The following ASB18 variants were observed in gnomAD, a reference collection of about 807,000 sequenced individuals.
The protein encoded by ASB18 is ankyrin repeat and SOCS box protein 18.
ASB18 carries 33 observed loss-of-function variants against 33.4 expected under a neutral mutation model. That is an observed-to-expected ratio of 0.99 (90% CI 0.75 to 1.32). The LOEUF is 1.32. Among genes scored for constraint, ASB18 ranks in the 40% most tolerant of loss-of-function variants. The probability of loss-of-function intolerance (pLI) is 0.00; values close to 1 mark genes in which losing one functional copy is unlikely to be tolerated. For missense variants in ASB18, 694 were observed against 655.5 expected, an observed-to-expected ratio of 1.06 and a Z score of -0.64; for synonymous variants, 295 against 307.6, an observed-to-expected ratio of 0.96 and a Z score of 0.43.
Position 236,228,562 on chromosome 2 carries a change from A to T in ASB18, c.596+9127T>A, listed in dbSNP as rs2060551203. Among the ~76,000 whole-genome samples, 1 of 152,206 alleles carries T rather than the reference A, an allele frequency of 6.6e-6. No homozygotes were observed. On this transcript the variant is annotated intron_variant, in intron 3 of 5. Coordinates refer to ENST00000409749, the MANE Select transcript of ASB18 (RefSeq NM_212556.4). The surrounding 1 kb of genome is among the most constrained non-coding windows in gnomAD (Gnocchi z 5.1). ...GAAAGGAAGGATTAGAACCGACTGA[A>T]ATATGTCAAATATTTTGTGTGCATA...
rs988697939 is a variant in ASB18 at position 236,221,670 on chromosome 2, G to C, written c.597-6804C>G. 6.6e-6 allele frequency among the ~76,000 whole-genome samples: 1 copy of C among 152,108 alleles called. No individual in the cohort carries two copies. The highest frequency in any genetic ancestry group is 1.5e-5 in the Non-Finnish European group (1 of 68,020). ...TCTCAGGTATGTCTTTATCAGAAGC[G>C]TGAAAACGGACTAATACAGCATCTG... is the stretch of plus-strand genomic sequence containing the variant. On this transcript the variant is annotated intron_variant, in intron 3 of 5. Transcript: ENST00000409749. The surrounding 1 kb of genome is among the most constrained non-coding windows in gnomAD (Gnocchi z 5.6).
In ASB18 at chr2:236,200,051, A is replaced by AAAAG. The variant is rs1182956550; in HGVS notation, c.1102-3670_1102-3667dup. Among the ~76,000 whole-genome samples, 1 of 152,244 alleles carries AAAAG rather than the reference A, an allele frequency of 6.6e-6. No individual in the cohort carries two copies. The highest frequency in any genetic ancestry group is 1.5e-5 in the Non-Finnish European group (1 of 68,056). ...ATAGATAACAGTCAAGGTCCATTAG[A>AAAAG]AAAGAGATGGAGAAGCCAGGCACGG... On this transcript the variant is annotated intron_variant, in intron 4 of 5. Coordinates refer to ENST00000409749, the MANE Select transcript of ASB18 (RefSeq NM_212556.4). The surrounding 1 kb of genome is among the most constrained non-coding windows in gnomAD (Gnocchi z 4.2).
chr2:236,247,791 T>A (rs892422252), intron 1 of ASB18: 3 of 152,214 alleles, frequency 2.0e-5, no homozygotes, highest in Admixed American at 6.5e-5. Context: ...TTTGAGGAAT[T>A]GTGATAAAAC....
At position 236,237,968 on chromosome 2, in the gene ASB18, G is replaced by T. The variant is rs77359803; in HGVS notation, c.329-12C>A. The T allele has an allele frequency of 4.0e-6, 6 of 1,488,116 alleles. No homozygotes were observed. The African/African-American group carries it at 8.8e-5, about 22-fold the overall frequency. The allele number at this position is 1,488,116 out of a possible 1,614,324, so 92.2% of individuals were successfully genotyped here. ...CAGGGTCCAGAGGCCTGCGGGGAGG[G>T]AGGTGGGATGTAAGGTCAGGGGGAG... is the stretch of plus-strand genomic sequence containing the variant. On this transcript the variant is annotated splice_polypyrimidine_tract_variant and intron_variant, in intron 2 of 5. Coordinates refer to ENST00000409749, the MANE Select transcript of ASB18 (RefSeq NM_212556.4). This position sits in a 1 kb window ranked among gnomAD's most constrained non-coding sequence, Gnocchi z 6.2.
Position 236,237,695 on chromosome 2 carries a change from G to A in ASB18, c.590C>T (p.Ser197Leu), listed in dbSNP as rs1255235490. Reference protein sequence around the residue: ...APLHLCRTAASLGCAQALLEH... With the variant: ...APLHLCRTAALLGCAQALLEH... ...CCTGTCCCGAGGTCCTTACCCGAGC[G>A]AGGCGGCCGTGCGGCAGAGGTGCAG... is the stretch of plus-strand genomic sequence containing the variant. Residue 197 changes from serine to leucine, a missense_variant, in exon 3 of 6, where the codon TCG becomes TTG. Ser to Leu is a moderately radical substitution (Grantham distance 145). Coordinates refer to ENST00000409749, the MANE Select transcript of ASB18 (RefSeq NM_212556.4). The surrounding 1 kb of genome is among the most constrained non-coding windows in gnomAD (Gnocchi z 6.2). 6.9e-7 allele frequency: 1 copy of A among 1,451,442 alleles called. No homozygotes were observed. Among genetic ancestry groups the A allele is most frequent in the Non-Finnish European group, 9.0e-7 (1 of 1,108,328 alleles). 89.9% of individuals were successfully genotyped at this position (1,451,442 alleles called of 1,614,324 possible).
chr2:236,261,916 A>G (rs2106288339), intron 1 of ASB18, among the ~76,000 whole-genome samples: 1 of 152,244 alleles, frequency 6.6e-6, no homozygotes, highest in Non-Finnish European at 1.5e-5. Context: ...TCACTACCAC[A>G]ATAATCGTAT....
rs183712815 is a variant in ASB18, at chr2:236,257,669, C to T, written c.205+6472G>A. Among the ~76,000 whole-genome samples, 187 of 152,270 alleles carry T rather than the reference C, an allele frequency of 1.2e-3. No individual in the cohort carries two copies. Among genetic ancestry groups the T allele is most frequent in the African/African-American group, 4.3e-3 (179 of 41,558 alleles). On this transcript the variant is annotated intron_variant, in intron 1 of 5. Coordinates refer to ENST00000409749, the MANE Select transcript of ASB18 (RefSeq NM_212556.4). This position sits in a 1 kb window ranked among gnomAD's most constrained non-coding sequence, Gnocchi z 5.5. ...CTCTGGGTGGGTAGGCAGCAAGAGC[C>T]CCTGACTACAAGTCAGGAAGCATAC...
At position 236,238,901 on chromosome 2, in the gene ASB18, A is replaced by G. The variant is rs2060608793; in HGVS notation, c.329-945T>C. 6.6e-6 allele frequency among the ~76,000 whole-genome samples: 1 copy of G among 152,178 alleles called. No homozygotes were observed. The highest frequency in any genetic ancestry group is 1.5e-5 in the Non-Finnish European group (1 of 68,034). On this transcript the variant is annotated intron_variant, in intron 2 of 5. Transcript: ENST00000409749. The surrounding 1 kb of genome is among the most constrained non-coding windows in gnomAD (Gnocchi z 5.2). Reference sequence around the variant, plus strand: ...ACAGGCCACCTCCTTCCCAGGACCCATGCTGAGCAGCCTTGAAAGTCCATT... The same window carrying G: ...ACAGGCCACCTCCTTCCCAGGACCCGTGCTGAGCAGCCTTGAAAGTCCATT...
chr2:236,196,444 G>T lies in ASB18; in HGVS notation c.1102-59C>A. The T allele has an allele frequency of 4.6e-6, 4 of 862,336 alleles. No individual in the cohort carries two copies. Among genetic ancestry groups the T allele is most frequent in the Non-Finnish European group, 7.6e-6 (4 of 525,540 alleles). The allele number at this position is 862,336 out of a possible 1,614,324, so 53.4% of individuals were successfully genotyped here. A position where few individuals can be genotyped will look rare whatever the true frequency, so the allele number is the denominator to read the frequency against. On this transcript the variant is annotated intron_variant, in intron 4 of 5. Coordinates refer to ENST00000409749, the MANE Select transcript of ASB18 (RefSeq NM_212556.4). The surrounding 1 kb of genome is among the most constrained non-coding windows in gnomAD (Gnocchi z 5.6). ...CGACTGGGTTCTGGGTCTCAGTGGG[G>T]AAAGGGTGGGGGGTGTGGGGGGATG...
In ASB18 at chr2:236,202,814, T is replaced by C. The variant is rs796538130; in HGVS notation, c.1102-6429A>G. Among the ~76,000 whole-genome samples the C allele has an allele frequency of 3.4e-3, 426 of 126,558 alleles. 18 individuals carry two copies. Among genetic ancestry groups the C allele is most frequent in the African/African-American group, 0.011 (340 of 31,130 alleles). The allele number at this position is 126,558 out of a possible 152,430, so 83.0% of individuals were successfully genotyped here. On this transcript the variant is annotated intron_variant, in intron 4 of 5. Transcript: ENST00000409749. ...AAAAAAATATATATATATATATATA[T>C]ACACACACCTATAGTTCTCTAAAAA...
chr2:236,236,430 A>G (rs953932188), intron 3 of ASB18, among the ~76,000 whole-genome samples: 3 of 152,158 alleles, frequency 2.0e-5, no homozygotes, highest in African/African-American at 7.2e-5. Context: ...GGAATGATAA[A>G]TATCTGCCCT....
chr2:236,261,335 C>A (rs1022402488), intron 1 of ASB18, among the ~76,000 whole-genome samples: 7 of 152,142 alleles, frequency 4.6e-5, no homozygotes, highest in Admixed American at 2.6e-4. Context: ...CATCTCTCAC[C>A]TGGGCAACTG....
intron 4 of ASB18, among the ~76,000 whole-genome samples, chr2:236,202,794 AATATATAT>A (rs35425799): frequency 8.5e-6 from 1 of 117,686 alleles, no homozygotes; most frequent in African/African-American, 3.7e-5. Context: ...AAAAAAAAAA[AATATATAT>A]ATATATATAT....
rs551408540 is a variant in ASB18, at chr2:236,240,014, G to A, written c.328+1266C>T. On this transcript the variant is annotated intron_variant, in intron 2 of 5. Coordinates refer to ENST00000409749, the MANE Select transcript of ASB18 (RefSeq NM_212556.4). ...TGTGGGCGTGCTCCAGTATCCTGTC[G>A]TCCAGGTGTACCACAGGACAGCAGC... Among the ~76,000 whole-genome samples the A allele has an allele frequency of 1.8e-3, 275 of 152,300 alleles. 1 individual carries two copies. The highest frequency in any genetic ancestry group is 6.2e-3 in the African/African-American group (259 of 41,546).
intron 3 of ASB18, among the ~76,000 whole-genome samples, chr2:236,233,372 A>G (rs1016170939): frequency 6.6e-6 from 1 of 152,130 alleles, no homozygotes; most frequent in Non-Finnish European, 1.5e-5. Flanking sequence ...GATCAACAGG[A>G]ACAAGAAAAA....
chr2:236,246,299 A>G (rs1339372120), intron 1 of ASB18, among the ~76,000 whole-genome samples: 1 of 133,086 alleles, frequency 7.5e-6, no homozygotes, highest in Non-Finnish European at 1.5e-5. Context: ...GTGGGCTGAG[A>G]TCATGCCACT....
At chr2:236,232,479 A>G (rs994635065) in intron 3 of ASB18, among the ~76,000 whole-genome samples, 10 of 152,100 alleles carry the variant, frequency 6.6e-5, no homozygotes, top group Admixed American at 6.5e-4. Flanking sequence ...GAGCAAAGAA[A>G]GAATAATAGA....
At chr2:236,258,863 A>G (rs946417819) in intron 1 of ASB18, among the ~76,000 whole-genome samples, 2 of 152,144 alleles carry the variant, frequency 1.3e-5, no homozygotes, top group Non-Finnish European at 2.9e-5. Context: ...ACACAACATA[A>G]TGCCTCTATT....
rs1435248456 is a variant in ASB18 at position 236,220,062 on chromosome 2, A to G, written c.597-5196T>C. ...CAATGACAGGTTGTTACAGGGGCCC[A>G]GGGTTAACAGCAGAAAGAAAAAGTA... On this transcript the variant is annotated intron_variant, in intron 3 of 5. Coordinates refer to ENST00000409749, the MANE Select transcript of ASB18 (RefSeq NM_212556.4). The surrounding 1 kb of genome is among the most constrained non-coding windows in gnomAD (Gnocchi z 5.1). Among the ~76,000 whole-genome samples the G allele has an allele frequency of 1.3e-5, 2 of 152,200 alleles. No individual in the cohort carries two copies. The highest frequency in any genetic ancestry group is 2.9e-5 in the Non-Finnish European group (2 of 68,032).
Sources: gnomAD v4.1 joint callset for allele counts (sites outside exome capture counted in the v4.1 genomes callset) on GRCh38, gnomAD v4.1.1 for gene constraint, Gnocchi (gnomAD v3.1) non-coding constraint, MANE v1.5 for transcripts, NCBI Gene and HGNC (gene_info 2026-07-23, HGNC 2026-07-21) for gene names.